Variants in TBC1D19 observed in about 807,000 individuals in gnomAD.
The protein encoded by TBC1D19 is TBC1 domain family, member 19.
TBC1D19 carries 60 observed loss-of-function variants against 89.0 expected under a neutral mutation model. The observed-to-expected ratio is 0.67, with a 90% CI of 0.55 to 0.84. TBC1D19 has a LOEUF of 0.84. Among genes scored for constraint, TBC1D19 ranks in the 40% least tolerant of loss-of-function variants. The pLI is 0.00. For missense variants in TBC1D19, 500 were observed against 610.8 expected (o/e 0.82, Z 1.91); for synonymous variants, 189 against 199.7 (o/e 0.95, Z 0.45).
chr4:26,597,522 TC>T lies in TBC1D19; in HGVS notation c.99+13231del, dbSNP rs1370215339. On this transcript the variant is annotated intron_variant, in intron 1 of 20. Coordinates refer to ENST00000264866, the MANE Select transcript of TBC1D19 (RefSeq NM_018317.4). The stretch of plus-strand genomic sequence containing the variant: ...TAAAAATCCAGACTGACAGCTAGAG[TC>T]TTTTTTTTTTTTTTTTTTTTAAGTA... Among the ~76,000 whole-genome samples the T allele has an allele frequency of 2.5e-4, 36 of 146,830 alleles. No homozygotes were observed. In the South Asian group the frequency reaches 7.1e-3, roughly 29 times the overall value.
chr4:26,618,671 A>G (rs1741844615), intron 3 of TBC1D19, among the ~76,000 whole-genome samples: 1 of 152,220 alleles, frequency 6.6e-6, no homozygotes, highest in Non-Finnish European at 1.5e-5. Flanking sequence ...ACTGTGTACC[A>G]GGCATTTTGC....
chr4:26,765,290 A>G, the TBC1D19 span, among the ~76,000 whole-genome samples: 1 of 152,092 alleles, frequency 6.6e-6, no homozygotes, highest in Non-Finnish European at 1.5e-5. Flanking sequence ...ACTTTCGGGG[A>G]GGAGAGAAAA....
chr4:26,594,150 C>T (rs1740030079), intron 1 of TBC1D19, among the ~76,000 whole-genome samples: 1 of 152,168 alleles, frequency 6.6e-6, no homozygotes, highest in Non-Finnish European at 1.5e-5. Flanking sequence ...CCATGGAATA[C>T]TATGCAGCCA....
the TBC1D19 span, among the ~76,000 whole-genome samples, chr4:26,817,277 C>G: frequency 1.3e-5 from 2 of 152,134 alleles, no homozygotes; most frequent in African/African-American, 2.4e-5. Flanking sequence ...ATTGATACCC[C>G]CTCTCCCGCA....
intron 11 of TBC1D19, among the ~76,000 whole-genome samples, 177 bp downstream of exon 11, chr4:26,674,065 T>G (rs948867071): frequency 6.6e-6 from 1 of 152,166 alleles, no homozygotes; most frequent in Non-Finnish European, 1.5e-5. Context: ...TAATTTAATA[T>G]TGTCTGCTTA....
intron 8 of TBC1D19, among the ~76,000 whole-genome samples, chr4:26,660,849 C>T (rs1745181206): frequency 6.6e-6 from 1 of 152,182 alleles, no homozygotes; most frequent in Admixed American, 6.5e-5. Flanking sequence ...TTAGTTTCTT[C>T]TTTGTTTACT....
At chr4:26,604,901 AT>A (rs1740882899) in intron 1 of TBC1D19, among the ~76,000 whole-genome samples, 2 of 151,914 alleles carry the variant, frequency 1.3e-5, no homozygotes, top group South Asian at 2.1e-4. Context: ...AATAATAATA[AT>A]AATAAAAATG....
the TBC1D19 span, among the ~76,000 whole-genome samples, chr4:26,793,550 C>A: frequency 6.6e-6 from 1 of 151,944 alleles, no homozygotes; most frequent in Non-Finnish European, 1.5e-5. Context: ...CATGGAAACT[C>A]CGTCTCTACT....
chr4:26,695,282 T>C (rs896166582), intron 13 of TBC1D19, among the ~76,000 whole-genome samples: 10 of 151,940 alleles, frequency 6.6e-5, no homozygotes, highest in African/African-American at 2.4e-4. Flanking sequence ...ATGAGTGAAA[T>C]GAAGCGAGAA....
intron 11 of TBC1D19, among the ~76,000 whole-genome samples, chr4:26,681,392 A>G (rs553975531): frequency 8.1e-5 from 12 of 148,566 alleles, no homozygotes; most frequent in Admixed American, 2.0e-4. Context: ...ACAAAAAACA[A>G]AAAAAAAAAT....
At chr4:26,813,403 A>C in the TBC1D19 span, among the ~76,000 whole-genome samples, 1 of 152,234 alleles carries the variant, frequency 6.6e-6, no homozygotes, top group East Asian at 1.9e-4. Context: ...TTTAGCCCCA[A>C]AATTCATGTA....
At chr4:26,687,462 C>A (rs1231377366) in intron 12 of TBC1D19, among the ~76,000 whole-genome samples, 3 of 152,064 alleles carry the variant, frequency 2.0e-5, no homozygotes, top group Non-Finnish European at 4.4e-5. Context: ...GTTTCCAACT[C>A]TGGACATAAT....
chr4:26,615,619 C>G (rs1481404951), intron 3 of TBC1D19, among the ~76,000 whole-genome samples: 1 of 152,064 alleles, frequency 6.6e-6, no homozygotes, highest in Admixed American at 6.6e-5. Flanking sequence ...CAGATGAACC[C>G]CTATGCACAT....
At chr4:26,598,815 G>A (rs1029146467) in intron 1 of TBC1D19, among the ~76,000 whole-genome samples, 30 of 152,126 alleles carry the variant, frequency 2.0e-4, no homozygotes, top group Non-Finnish European at 3.8e-4. Context: ...TTCAAAAAAG[G>A]ATTATGAATC....
intron 7 of TBC1D19, among the ~76,000 whole-genome samples, chr4:26,657,031 TTC>T (rs531605687): frequency 4.4e-5 from 5 of 113,012 alleles, no homozygotes; most frequent in African/African-American, 1.5e-4. Context: ...CTCCTTCTCC[TTC>T]TCTCTTTCTT....
chr4:26,733,465 AC>A (rs1577997553), intron 15 of TBC1D19, among the ~76,000 whole-genome samples: 1 of 150,418 alleles, frequency 6.6e-6, no homozygotes, highest in East Asian at 1.9e-4. Flanking sequence ...GCAAAGACAC[AC>A]ACACACACAC....
intron 8 of TBC1D19, chr4:26,663,072 A>C (rs1008716453): frequency 6.6e-6 from 1 of 152,218 alleles, no homozygotes; most frequent in Non-Finnish European, 1.5e-5. Context: ...GGATGCCTGC[A>C]AGAAAAACAC....
At chr4:26,664,726 C>T (rs1437969268) in intron 8 of TBC1D19, among the ~76,000 whole-genome samples, 1 of 151,550 alleles carries the variant, frequency 6.6e-6, no homozygotes, top group Non-Finnish European at 1.5e-5. Flanking sequence ...ACTCCCAGCT[C>T]GAATGCCTGG....
At chr4:26,681,301 G>A (rs1177778777) in intron 11 of TBC1D19, among the ~76,000 whole-genome samples, 1 of 152,054 alleles carries the variant, frequency 6.6e-6, no homozygotes, top group African/African-American at 2.4e-5. Context: ...CACTTTGGGA[G>A]GCTGAGGCGG....
Sources: allele counts gnomAD v4.1 joint callset (sites outside exome capture counted in the v4.1 genomes callset), GRCh38; gene constraint gnomAD v4.1.1; transcripts MANE v1.5; gene names NCBI Gene and HGNC (gene_info 2026-07-23, HGNC 2026-07-21).